The following CMIP variants were observed in gnomAD, a reference collection of about 807,000 sequenced individuals.
CMIP encodes the protein C-Maf-inducing protein.
CMIP carries 13 observed loss-of-function variants against 97.3 expected under a neutral mutation model. The observed-to-expected ratio is 0.13, with a 90% CI of 0.09 to 0.21. The LOEUF is 0.21. CMIP is among the 10% of genes least tolerant of loss of function. The pLI is 1.00. For missense variants in CMIP, 847 were observed against 1,024.9 expected (o/e 0.83, Z 2.37); for synonymous variants, 538 against 436.3 (o/e 1.23, Z -2.91).
chr16:81,501,132 C>G (rs1460076899), intron 1 of CMIP, among the ~76,000 whole-genome samples: 1 of 152,228 alleles, frequency 6.6e-6, no homozygotes, highest in Non-Finnish European at 1.5e-5. Flanking sequence ...GGCCAGCGTC[C>G]TCCGTTTTCC....
intron 3 of CMIP, among the ~76,000 whole-genome samples, chr16:81,626,202 AGTG>A (rs1382318447): frequency 7.4e-6 from 1 of 134,748 alleles, no homozygotes; most frequent in Non-Finnish European, 1.7e-5. Flanking sequence ...TGAGTGTGAG[AGTG>A]AGTGTGTGTG....
intron 3 of CMIP, among the ~76,000 whole-genome samples, chr16:81,640,798 T>G (rs933747081): frequency 1.5e-5 from 2 of 134,336 alleles, no homozygotes; most frequent in Admixed American, 1.5e-4. Flanking sequence ...ATGGCCTTTT[T>G]ATAACGACGC....
intron 2 of CMIP, among the ~76,000 whole-genome samples, chr16:81,608,514 A>AATCCCCT (rs2091780666): frequency 6.6e-6 from 1 of 152,048 alleles, no homozygotes; most frequent in African/African-American, 2.4e-5. Context: ...CCTTTTACAA[A>AATCCCCT]ATCTCATGGA....
chr16:81,671,107 GC>G (rs1461692983), intron 8 of CMIP, among the ~76,000 whole-genome samples: 1 of 152,168 alleles, frequency 6.6e-6, no homozygotes, highest in Non-Finnish European at 1.5e-5. Context: ...GGGATTATAG[GC>G]GTGAACTGCT....
intron 1 of CMIP, among the ~76,000 whole-genome samples, chr16:81,482,385 A>G (rs2089239686): frequency 6.6e-6 from 1 of 152,158 alleles, no homozygotes; most frequent in South Asian, 2.1e-4. Flanking sequence ...TGGGCAGGCA[A>G]TCTAAGGCCT....
intron 1 of CMIP, among the ~76,000 whole-genome samples, chr16:81,473,241 ACGTGT>A (rs1033575162): frequency 3.3e-5 from 5 of 152,194 alleles, no homozygotes; most frequent in Non-Finnish European, 7.4e-5. Flanking sequence ...GCTGTCACTG[ACGTGT>A]CTTCCTTCGT....
intron 1 of CMIP, among the ~76,000 whole-genome samples, chr16:81,456,638 C>G (rs543225092): frequency 2.0e-3 from 303 of 152,328 alleles, no homozygotes; most frequent in Middle Eastern, 6.8e-3. Flanking sequence ...AACTGAGGCC[C>G]GGAGAGGAGA....
chr16:81,629,200 CCT>C (rs2092119371), intron 3 of CMIP, among the ~76,000 whole-genome samples: 1 of 149,388 alleles, frequency 6.7e-6, no homozygotes, highest in African/African-American at 2.5e-5. Flanking sequence ...TAGGCAGGCC[CCT>C]GTTTCTCACG....
At chr16:81,515,692 G>A (rs955874637) in intron 1 of CMIP, among the ~76,000 whole-genome samples, 12 of 152,204 alleles carry the variant, frequency 7.9e-5, no homozygotes, top group African/African-American at 2.7e-4. Flanking sequence ...GAGGTTGGTA[G>A]CTGTGCCAGT....
intron 1 of CMIP, among the ~76,000 whole-genome samples, chr16:81,523,012 G>C (rs895239121): frequency 2.0e-5 from 3 of 151,774 alleles, no homozygotes; most frequent in Non-Finnish European, 4.4e-5. Context: ...CCGCAGCTTT[G>C]ACCTCTGAGG....
intron 4 of CMIP, among the ~76,000 whole-genome samples, chr16:81,656,654 T>C (rs568561311): frequency 1.3e-5 from 2 of 152,326 alleles, no homozygotes; most frequent in East Asian, 3.9e-4. Context: ...AACTTTCTTT[T>C]TTAGAGACAG....
intron 1 of CMIP, chr16:81,495,457 GC>G (rs1567543587): frequency 6.2e-7 from 1 of 1,612,210 alleles, no homozygotes; most frequent in Non-Finnish European, 8.5e-7. Flanking sequence ...ACAGATCTCC[GC>G]CCTGGCGTCC....
rs2151059857 is a variant in CMIP at position 81,680,083 on chromosome 16, G to C, written c.1388+1455G>C. 3.3e-5 allele frequency among the ~76,000 whole-genome samples: 5 copies of C among 152,314 alleles called. No individual in the cohort carries two copies. The South Asian group carries it at 1.0e-3, about 32-fold the overall frequency. Reference sequence around the variant, plus strand: ...ACCTTTCGGAGGGGTTCGGGGTATGGCTGTGTTGTCATATTTAACCAATGC... The same window carrying C: ...ACCTTTCGGAGGGGTTCGGGGTATGCCTGTGTTGTCATATTTAACCAATGC... On this transcript the variant is annotated intron_variant, in intron 10 of 20. Coordinates refer to ENST00000537098, the MANE Select transcript of CMIP (RefSeq NM_198390.3).
chr16:81,463,932 G>A (rs1907043903), intron 1 of CMIP: 1 of 152,230 alleles, frequency 6.6e-6, no homozygotes. Context: ...TGGACAACAA[G>A]GCAGGCCTTG....
chr16:81,527,999 C>T (rs528358265), intron 1 of CMIP, among the ~76,000 whole-genome samples: 2 of 152,284 alleles, frequency 1.3e-5, no homozygotes, highest in South Asian at 4.1e-4. Flanking sequence ...TAGAGAAAAC[C>T]AACCTGTTTT....
chr16:81,615,672 CTGTG>C (rs936457987), intron 2 of CMIP, among the ~76,000 whole-genome samples: 1 of 131,946 alleles, frequency 7.6e-6, no homozygotes, highest in Non-Finnish European at 1.6e-5. Context: ...GTGTATGTGT[CTGTG>C]TGTGTGGTGT....
chr16:81,563,289 T>C (rs1309269537), intron 1 of CMIP, among the ~76,000 whole-genome samples: 1 of 152,236 alleles, frequency 6.6e-6, no homozygotes, highest in Non-Finnish European at 1.5e-5. Flanking sequence ...TTGGGGATCA[T>C]GGGCTCATAC....
intron 15 of CMIP, among the ~76,000 whole-genome samples, chr16:81,700,801 C>T (rs1308563767): frequency 6.6e-6 from 1 of 152,150 alleles, no homozygotes; most frequent in Non-Finnish European, 1.5e-5. Context: ...GGCAAGAGGT[C>T]TGGGATGTGG....
intron 1 of CMIP, among the ~76,000 whole-genome samples, chr16:81,553,094 C>T (rs139183595): frequency 1.3e-5 from 2 of 152,300 alleles, no homozygotes; most frequent in Non-Finnish European, 2.9e-5. Flanking sequence ...AGTTGCTTAG[C>T]CACGTGGGTC....
Sources: gnomAD v4.1 joint callset for allele counts (sites outside exome capture counted in the v4.1 genomes callset) on GRCh38, gnomAD v4.1.1 for gene constraint, MANE v1.5 for transcripts, NCBI Gene and HGNC (gene_info 2026-07-23, HGNC 2026-07-21) for gene names.